Variants in ITPK1 observed in about 807,000 individuals in gnomAD.
ITPK1 encodes inositol 1,3,4-trisphosphate 5/6-kinase.
Under a neutral mutation model 45.3 loss-of-function variants are expected in ITPK1, and 21 were observed. The observed-to-expected ratio is 0.46, with a 90% CI of 0.33 to 0.67. The LOEUF (loss-of-function observed/expected upper bound fraction) is 0.67. Ranked by LOEUF, ITPK1 falls within the 30% of genes least tolerant of loss-of-function variation. ITPK1 has a pLI of 0.02. For missense variants in ITPK1, 474 were observed against 573.5 expected, an observed-to-expected ratio of 0.83 and a Z score of 1.77; for synonymous variants, 258 against 253.6, an observed-to-expected ratio of 1.02 and a Z score of -0.16.
chr14:93,021,955 A>G (rs1818343613), intron 3 of ITPK1, among the ~76,000 whole-genome samples: 1 of 152,252 alleles, frequency 6.6e-6, no homozygotes, highest in African/African-American at 2.4e-5. Context: ...AAACTCGTGA[A>G]GGCATAAGAG....
intron 8 of ITPK1, among the ~76,000 whole-genome samples, chr14:92,956,571 A>G (rs1884742625): frequency 6.6e-6 from 1 of 152,122 alleles, no homozygotes; most frequent in African/African-American, 2.4e-5. Flanking sequence ...CGAGACGGAA[A>G]CTGGCCCAGC....
At chr14:92,950,526 G>A (rs930600950) in intron 9 of ITPK1, among the ~76,000 whole-genome samples, 1 of 152,236 alleles carries the variant, frequency 6.6e-6, no homozygotes, top group African/African-American at 2.4e-5. Context: ...AGACCTCAGA[G>A]GTGAAGGGAA....
At chr14:93,046,284 C>T (rs537612806) in intron 3 of ITPK1, among the ~76,000 whole-genome samples, 19 of 152,332 alleles carry the variant, frequency 1.2e-4, no homozygotes, top group African/African-American at 4.6e-4. Flanking sequence ...ATTAGTGCTA[C>T]TCCCATTTTC....
chr14:93,100,239 G>C (rs1317474759), intron 2 of ITPK1, among the ~76,000 whole-genome samples: 1 of 152,204 alleles, frequency 6.6e-6, no homozygotes, highest in Non-Finnish European at 1.5e-5. Flanking sequence ...TGGAGCATGA[G>C]GGATGGGGGA....
rs572821740 is a variant in ITPK1 at position 92,981,727 on chromosome 14, C to T, written c.364+12153G>A. On this transcript the variant is annotated intron_variant, in intron 5 of 10. Transcript: ENST00000267615. ...CTCGCCCCTGTCCTCAAGGCTGTCA[C>T]GGTCAGGTGGGGAAGACAGCGGCCA... Among the ~76,000 whole-genome samples, 7 of 152,350 alleles carry T rather than the reference C, an allele frequency of 4.6e-5. No individual in the cohort carries two copies. In the South Asian group the frequency reaches 8.3e-4, roughly 18 times the overall value.
chr14:93,105,486 A>T (rs1159141409), intron 2 of ITPK1, among the ~76,000 whole-genome samples: 1 of 148,646 alleles, frequency 6.7e-6, no homozygotes, highest in East Asian at 2.0e-4. Context: ...AGACTTCAGG[A>T]TGTGTACTTC....
intron 5 of ITPK1, among the ~76,000 whole-genome samples, chr14:92,985,235 C>T (rs566680991): frequency 5.3e-5 from 8 of 152,060 alleles, no homozygotes; most frequent in East Asian, 3.9e-4. Flanking sequence ...CCACAGAGAG[C>T]GACAACCAGA....
chr14:92,961,567 T>C (rs1885072991), intron 7 of ITPK1, among the ~76,000 whole-genome samples: 1 of 152,228 alleles, frequency 6.6e-6, no homozygotes, highest in Admixed American at 6.5e-5. Context: ...CCTGTGGCAG[T>C]GACAGAGCCT....
At chr14:93,101,148 C>T (rs1892302771) in intron 2 of ITPK1, among the ~76,000 whole-genome samples, 1 of 152,202 alleles carries the variant, frequency 6.6e-6, no homozygotes. Flanking sequence ...ACACCCTCGC[C>T]TCTTCACACT....
At chr14:93,010,721 GTAA>G (rs1887846529) in intron 4 of ITPK1, among the ~76,000 whole-genome samples, 1 of 152,220 alleles carries the variant, frequency 6.6e-6, no homozygotes, top group Non-Finnish European at 1.5e-5. Context: ...TACTGTCACT[GTAA>G]TAATAATATT....
At chr14:92,967,532 G>A (rs1885440723) in intron 5 of ITPK1, among the ~76,000 whole-genome samples, 1 of 152,186 alleles carries the variant, frequency 6.6e-6, no homozygotes, top group African/African-American at 2.4e-5. Context: ...TAAACAGAGT[G>A]ACCATATGAT....
At chr14:93,004,620 G>T (rs1429575635) in intron 4 of ITPK1, among the ~76,000 whole-genome samples, 1 of 151,926 alleles carries the variant, frequency 6.6e-6, no homozygotes, top group Admixed American at 6.6e-5. Flanking sequence ...GCATATGAGT[G>T]TGTGTGTGTG....
intron 5 of ITPK1, among the ~76,000 whole-genome samples, chr14:92,988,507 A>G (rs1349816303): frequency 6.6e-6 from 1 of 152,162 alleles, no homozygotes; most frequent in East Asian, 1.9e-4. Context: ...TGGACCCCAG[A>G]GGGCACCCCC....
chr14:92,976,990 A>G (rs976563010), intron 5 of ITPK1, among the ~76,000 whole-genome samples: 1 of 152,242 alleles, frequency 6.6e-6, no homozygotes, highest in Non-Finnish European at 1.5e-5. Flanking sequence ...AGCCAGTCCC[A>G]GAAGCTGCCT....
chr14:93,016,679 G>C lies in ITPK1; in HGVS notation c.243C>G (p.Phe81Leu). 6.2e-7 allele frequency: 1 copy of C among 1,613,996 alleles called. No individual in the cohort carries two copies. The highest frequency in any genetic ancestry group is 8.5e-7 in the Non-Finnish European group (1 of 1,179,972). Residue 81 changes from phenylalanine to leucine, a missense_variant, in exon 4 of 11, where the codon TTC becomes TTG. Phe to Leu is a conservative substitution (Grantham distance 22). This residue lies in a region of ITPK1 where 367 missense variants were observed against 480.6 expected (regional missense o/e 0.76). Coordinates refer to ENST00000267615, the MANE Select transcript of ITPK1 (RefSeq NM_014216.6). The surrounding 1 kb of genome is among the most constrained non-coding windows in gnomAD (Gnocchi z 5.0). Reference sequence around the variant, plus strand: ...GGGCTGCATGGTCCTCACTCACCTGGAACCTGTGCACCAGCTCCAGGGACT... The same window carrying C: ...GGGCTGCATGGTCCTCACTCACCTGCAACCTGTGCACCAGCTCCAGGGACT... ...DSQSLELVHR[F>L]QEYIDAHPET...
In ITPK1 at chr14:92,940,976, A is replaced by G; in HGVS notation, c.*585T>C. ...CAGACCCCAGCGCGGAACTCCCCTG[A>G]GGGGTCTGTGGCCTCCTCTGGCTGT... On this transcript the variant is annotated 3_prime_UTR_variant, in exon 11 of 11. Coordinates refer to ENST00000267615, the MANE Select transcript of ITPK1 (RefSeq NM_014216.6). 1 of 1,283,238 alleles carries G rather than the reference A, an allele frequency of 7.8e-7. No homozygotes were observed. 79.5% of individuals were successfully genotyped at this position (1,283,238 alleles called of 1,614,324 possible).
At chr14:93,074,823 A>G (rs1891151522) in intron 3 of ITPK1, among the ~76,000 whole-genome samples, 1 of 152,128 alleles carries the variant, frequency 6.6e-6, no homozygotes, top group Admixed American at 6.6e-5. Flanking sequence ...TAACCCCGTG[A>G]TGAGATGAAT....
In ITPK1 at chr14:92,958,316, G is replaced by A. The variant is rs964873298; in HGVS notation, c.555C>T (p.Cys185=). The stretch of plus-strand genomic sequence containing the variant: ...TGTGGTTGATGAAATTCTGGACCAC[G>A]CAGGGTGGCTGGATGGCGTTCAGGC... The part of the protein sequence containing the change: ...QEGLNAIQPP[C]VVQNFINHNA... Residue 185 remains cysteine, a synonymous_variant, in exon 8 of 11, where the codon TGC becomes TGT. Transcript: ENST00000267615. The surrounding 1 kb of genome is among the most constrained non-coding windows in gnomAD (Gnocchi z 4.4). 6 of 1,614,190 alleles carry A rather than the reference G, an allele frequency of 3.7e-6. No individual in the cohort carries two copies. Among genetic ancestry groups the A allele is most frequent in the East Asian group, 2.2e-5 (1 of 44,884 alleles).
At chr14:93,035,485 A>T (rs1035772867) in intron 3 of ITPK1, among the ~76,000 whole-genome samples, 1 of 152,220 alleles carries the variant, frequency 6.6e-6, no homozygotes, top group African/African-American at 2.4e-5. Context: ...GAGAGCCCCA[A>T]ATCACCAGTG....
Sources: allele counts gnomAD v4.1 joint callset (sites outside exome capture counted in the v4.1 genomes callset), GRCh38; gene constraint gnomAD v4.1.1; regional missense constraint gnomAD v4.1.1; non-coding constraint Gnocchi (gnomAD v3.1); transcripts MANE v1.5; gene names NCBI Gene and HGNC (gene_info 2026-07-23, HGNC 2026-07-21).